C2CD2: variants seen among roughly 807,000 people sequenced by gnomAD.
The protein encoded by C2CD2 is C2 domain-containing protein 2.
In C2CD2, 43 loss-of-function variants were observed where a neutral mutation model predicts 74.3. That is an observed-to-expected ratio of 0.58 (90% CI 0.45 to 0.75). C2CD2 has a LOEUF of 0.75. Ranked by LOEUF, C2CD2 falls within the 30% of genes least tolerant of loss-of-function variation. The pLI, the probability that C2CD2 is intolerant of heterozygous loss-of-function variation, is 0.00. For synonymous variants in C2CD2, 422 were observed against 390.7 expected (o/e 1.08, Z -0.94); for missense variants, 801 against 916.3 (o/e 0.87, Z 1.63).
intron 1 of C2CD2, 50 bp downstream of exon 1, chr21:41,953,320 C>T: frequency 7.8e-7 from 1 of 1,287,008 alleles, no homozygotes; most frequent in South Asian, 1.9e-5. Context: ...CGGCCCGGAC[C>T]GCCCGCCCCG....
Position 41,923,244 on chromosome 21 carries a change from C to T in C2CD2, c.379-1159G>A, listed in dbSNP as rs767671691. On this transcript the variant is annotated intron_variant, in intron 2 of 13. Coordinates refer to ENST00000380486, the MANE Select transcript of C2CD2 (RefSeq NM_015500.2). This position sits in a 1 kb window ranked among gnomAD's most constrained non-coding sequence, Gnocchi z 5.8. Reference sequence around the variant, plus strand: ...TCCTCACCTCGTGATCCGCCCACCTCGGCCTTCCAAAGTGCTAGGATTACA... The same window carrying T: ...TCCTCACCTCGTGATCCGCCCACCTTGGCCTTCCAAAGTGCTAGGATTACA... Among the ~76,000 whole-genome samples, 3 of 152,112 alleles carry T rather than the reference C, an allele frequency of 2.0e-5. No individual in the cohort carries two copies. The highest frequency in any genetic ancestry group is 4.8e-5 in the African/African-American group (2 of 41,400).
chr21:41,902,560 T>A (rs2064912219), intron 11 of C2CD2, among the ~76,000 whole-genome samples: 1 of 152,216 alleles, frequency 6.6e-6, no homozygotes, highest in African/African-American at 2.4e-5. Flanking sequence ...GAGCTGATGC[T>A]TGTAACTTAC....
At position 41,912,491 on chromosome 21, in the gene C2CD2, TTA is replaced by T. The variant is rs751629334; in HGVS notation, c.845-53_845-52del. 4.7e-5 allele frequency: 40 copies of T among 859,070 alleles called. No individual in the cohort carries two copies. The East Asian group carries it at 7.1e-4, about 15-fold the overall frequency. The allele number at this position is 859,070 out of a possible 1,614,324, so 53.2% of individuals were successfully genotyped here. ...GTTGGCGTTTATTTTTATTATTTATTTATTTTTTTTTTTTTTTGAGACAGAGT... is the reference window on the plus strand; with the variant it reads ...GTTGGCGTTTATTTTTATTATTTATTTTTTTTTTTTTTTTTGAGACAGAGT... On this transcript the variant is annotated intron_variant, in intron 6 of 13. Coordinates refer to ENST00000380486, the MANE Select transcript of C2CD2 (RefSeq NM_015500.2).
At chr21:41,909,173 G>C (rs1303078907) in intron 8 of C2CD2, among the ~76,000 whole-genome samples, 1 of 152,220 alleles carries the variant, frequency 6.6e-6, no homozygotes, top group East Asian at 1.9e-4. Context: ...TTGGAGCTAA[G>C]AGGGTTCAGA....
rs140129026 is a variant in C2CD2 at position 41,903,279 on chromosome 21, G to A, written c.1433-1530C>T. Among the ~76,000 whole-genome samples, 1 of 152,230 alleles carries A rather than the reference G, an allele frequency of 6.6e-6. No individual in the cohort carries two copies. The highest frequency in any genetic ancestry group is 1.5e-5 in the Non-Finnish European group (1 of 67,998). On this transcript the variant is annotated intron_variant, in intron 11 of 13. Transcript: ENST00000380486. The surrounding 1 kb of genome is among the most constrained non-coding windows in gnomAD (Gnocchi z 4.5). ...TCTGTGAGCCATTATAGCAAATTAC[G>A]GAACCCGAGGAGTGTGTCATGGAAA... is the stretch of plus-strand genomic sequence containing the variant.
chr21:41,933,361 C>T (rs12483206), intron 2 of C2CD2, among the ~76,000 whole-genome samples: 35,796 of 137,160 alleles, frequency 0.26, 6,001 homozygotes, highest in Middle Eastern at 0.38. Context: ...GGGTGTGTGG[C>T]TTAGATACCA....
At chr21:41,952,830 CAG>C (rs2065460766) in intron 1 of C2CD2, 1 of 152,388 alleles carries the variant, frequency 6.6e-6, no homozygotes, top group Non-Finnish European at 1.5e-5. Context: ...TGTGAGGATT[CAG>C]AGATGGCAGA....
At chr21:41,933,286 A>G (rs2146215262) in intron 2 of C2CD2, among the ~76,000 whole-genome samples, 1 of 135,036 alleles carries the variant, frequency 7.4e-6, no homozygotes, top group South Asian at 2.4e-4. Flanking sequence ...CTCAAGAATT[A>G]TGCCCAGCTG....
chr21:41,894,931 C>G (rs1006404859), intron 13 of C2CD2: 7 of 456,696 alleles, frequency 1.5e-5, no homozygotes, highest in Admixed American at 9.4e-5. Flanking sequence ...TGGAATGTAC[C>G]GGTCTGCCCA....
At chr21:41,915,163 G>A (rs536966591) in intron 5 of C2CD2, among the ~76,000 whole-genome samples, 7 of 152,292 alleles carry the variant, frequency 4.6e-5, no homozygotes, top group Admixed American at 3.3e-4. Context: ...GAACAGCCAG[G>A]GCTGTCAGCC....
chr21:41,889,999 G>A (rs2146124154), intron 13 of C2CD2, among the ~76,000 whole-genome samples: 1 of 152,244 alleles, frequency 6.6e-6, no homozygotes, highest in African/African-American at 2.4e-5. Context: ...TGCCTCGGTT[G>A]GGATACCTGG....
chr21:41,888,851 C>A lies in C2CD2; in HGVS notation c.*273G>T. On this transcript the variant is annotated 3_prime_UTR_variant, in exon 14 of 14. Transcript: ENST00000380486. ...ATGTTAATCTCCTTCTAATATTGAA[C>A]CCTAACCCTTAGCTATGAGCACAGC... The A allele has an allele frequency of 1.9e-6, 1 of 531,906 alleles. No individual in the cohort carries two copies. The highest frequency in any genetic ancestry group is 3.4e-6 in the Non-Finnish European group (1 of 295,204). 32.9% of individuals were successfully genotyped at this position (531,906 alleles called of 1,614,324 possible).
chr21:41,895,915 G>T lies in C2CD2; in HGVS notation c.1870+3138C>A, dbSNP rs780854030. On this transcript the variant is annotated intron_variant, in intron 13 of 13. Transcript: ENST00000380486. The surrounding 1 kb of genome is among the most constrained non-coding windows in gnomAD (Gnocchi z 5.0). Reference sequence around the variant, plus strand: ...CCACAGATGGTCCGTTGATAGAAGCGACTACTTTTTAGCTCTGGAGGACGA... The same window carrying T: ...CCACAGATGGTCCGTTGATAGAAGCTACTACTTTTTAGCTCTGGAGGACGA... Among the ~76,000 whole-genome samples, 1 of 152,170 alleles carries T rather than the reference G, an allele frequency of 6.6e-6. No individual in the cohort carries two copies. The highest frequency in any genetic ancestry group is 2.4e-5 in the African/African-American group (1 of 41,440).
intron 11 of C2CD2, among the ~76,000 whole-genome samples, chr21:41,902,816 C>A (rs2064915041): frequency 6.6e-6 from 1 of 152,126 alleles, no homozygotes; most frequent in African/African-American, 2.4e-5. Flanking sequence ...CCTTTGAATT[C>A]CAGAGCCACG....
intron 13 of C2CD2, among the ~76,000 whole-genome samples, chr21:41,896,890 G>A (rs2064829868): frequency 6.6e-6 from 1 of 152,202 alleles, no homozygotes; most frequent in African/African-American, 2.4e-5. Context: ...AGCACTGGAA[G>A]GAAACATTTA....
intron 1 of C2CD2, among the ~76,000 whole-genome samples, chr21:41,946,376 CG>C (rs1432656545): frequency 1.3e-5 from 2 of 152,212 alleles, no homozygotes; most frequent in Admixed American, 1.3e-4. Context: ...GATCACGGTG[CG>C]GGGAGTTCTC....
Position 41,924,194 on chromosome 21 carries a change from G to A in C2CD2, c.379-2109C>T, listed in dbSNP as rs1297847031. Among the ~76,000 whole-genome samples, 1 of 152,200 alleles carries A rather than the reference G, an allele frequency of 6.6e-6. No homozygotes were observed. Among genetic ancestry groups the A allele is most frequent in the Non-Finnish European group, 1.5e-5 (1 of 68,038 alleles). On this transcript the variant is annotated intron_variant, in intron 2 of 13. Coordinates refer to ENST00000380486, the MANE Select transcript of C2CD2 (RefSeq NM_015500.2). The surrounding 1 kb of genome is among the most constrained non-coding windows in gnomAD (Gnocchi z 4.4). ...TGCTATTCCCCCAAGTTCAGGGCTA[G>A]GACATTCCCCTGTACTTTCTCATCT...
Position 41,935,997 on chromosome 21 carries a change from G to GA in C2CD2, c.378+6149dup, listed in dbSNP as rs71332346. On this transcript the variant is annotated intron_variant, in intron 2 of 13. Coordinates refer to ENST00000380486, the MANE Select transcript of C2CD2 (RefSeq NM_015500.2). ...GAGACCAGAAACTATAAAACTACTAGAAAAAAAAACATAGAAGGAAAGCTT... is the reference window on the plus strand; with the variant it reads ...GAGACCAGAAACTATAAAACTACTAGAAAAAAAAAACATAGAAGGAAAGCTT... Among the ~76,000 whole-genome samples the GA allele has an allele frequency of 5.4e-3, 810 of 150,028 alleles. 9 individuals carry two copies. The highest frequency in any genetic ancestry group is 0.019 in the African/African-American group (770 of 40,768).
rs769255306 is a variant in C2CD2, at chr21:41,907,213, C to T, written c.1144-47G>A. The T allele has an allele frequency of 4.7e-6, 7 of 1,488,574 alleles. No homozygotes were observed. The African/African-American group carries it at 5.5e-5, about 12-fold the overall frequency. The allele number at this position is 1,488,574 out of a possible 1,614,324, so 92.2% of individuals were successfully genotyped here. A position where few individuals can be genotyped will look rare whatever the true frequency, so the allele number is the denominator to read the frequency against. On this transcript the variant is annotated intron_variant, in intron 9 of 13. Transcript: ENST00000380486. ...TGTTTCTGGTTTTGTGGAAGTTGCC[C>T]AGGCTGATCAGCCAGGTAACACTGC...
Sources: allele counts gnomAD v4.1 joint callset (sites outside exome capture counted in the v4.1 genomes callset), GRCh38; gene constraint gnomAD v4.1.1; non-coding constraint Gnocchi (gnomAD v3.1); transcripts MANE v1.5; gene names NCBI Gene and HGNC (gene_info 2026-07-23, HGNC 2026-07-21).